Variants in FHIT observed in about 807,000 individuals in gnomAD.
FHIT encodes fragile histidine triad diadenosine triphosphatase.
In FHIT, 19 loss-of-function variants were observed where a neutral mutation model predicts 17.9. The ratio of observed to expected loss-of-function variants is 1.06; its 90% CI spans 0.74 to 1.56. The LOEUF (loss-of-function observed/expected upper bound fraction) is 1.56, where lower values mean the gene tolerates loss of function less well. Ranked by LOEUF, FHIT falls within the 40% of genes most tolerant of loss-of-function variation. The pLI, the probability that FHIT is intolerant of heterozygous loss-of-function variation, is 0.00. For synonymous variants in FHIT, 81 were observed against 69.7 expected (o/e 1.16, Z -0.81); for missense variants, 248 against 189.2 (o/e 1.31, Z -1.82).
At chr3:60,361,553 T>C (rs112518926) in intron 5 of FHIT, among the ~76,000 whole-genome samples, 2,112 of 152,276 alleles carry the variant, frequency 0.014, 54 homozygotes, top group African/African-American at 0.048. Flanking sequence ...GGATTCTTCA[T>C]AGAAGATGCA....
At chr3:59,972,429 C>A (rs991580926) in intron 7 of FHIT, among the ~76,000 whole-genome samples, 10 of 152,066 alleles carry the variant, frequency 6.6e-5, no homozygotes, top group Non-Finnish European at 1.3e-4. Context: ...GGGAAGGTAT[C>A]CTTGGCGCTC....
At chr3:60,919,399 G>GTT (rs5849401) in intron 3 of FHIT, among the ~76,000 whole-genome samples, 1,767 of 144,382 alleles carry the variant, frequency 0.012, 33 homozygotes, top group African/African-American at 0.039. Flanking sequence ...CACAACCACA[G>GTT]TTTTTTTTTT....
At chr3:60,368,505 G>A (rs1340060019) in intron 5 of FHIT, among the ~76,000 whole-genome samples, 1 of 151,668 alleles carries the variant, frequency 6.6e-6, no homozygotes, top group East Asian at 1.9e-4. Flanking sequence ...CCTTAAATTG[G>A]GTTATTATGA....
chr3:61,047,869 T>C (rs574973865), intron 2 of FHIT, among the ~76,000 whole-genome samples: 12 of 135,222 alleles, frequency 8.9e-5, no homozygotes, highest in African/African-American at 2.8e-4. Context: ...AAACAAGCAA[T>C]GGGGAAAGGA....
At chr3:60,020,241 T>C (rs550454634) in intron 5 of FHIT, among the ~76,000 whole-genome samples, 3 of 152,188 alleles carry the variant, frequency 2.0e-5, no homozygotes, top group East Asian at 1.9e-4. Flanking sequence ...AGGATAATAA[T>C]TGATTAAAAA....
At chr3:59,816,335 G>C (rs1415445132) in intron 8 of FHIT, among the ~76,000 whole-genome samples, 2 of 152,156 alleles carry the variant, frequency 1.3e-5, no homozygotes, top group Non-Finnish European at 2.9e-5. Context: ...TTGCCAATTA[G>C]ATGTGGACTT....
chr3:60,235,783 T>C (rs1704751836), intron 5 of FHIT, among the ~76,000 whole-genome samples: 1 of 152,136 alleles, frequency 6.6e-6, no homozygotes, highest in Non-Finnish European at 1.5e-5. Context: ...GTATGTTTCA[T>C]AAACAGGTTA....
chr3:59,954,221 G>GTTTTTTTTTTTTTT (rs5849313), intron 7 of FHIT, among the ~76,000 whole-genome samples: 1 of 120,978 alleles, frequency 8.3e-6, no homozygotes, highest in Admixed American at 8.8e-5. Flanking sequence ...ATTTTGTTCT[G>GTTTTTTTTTTTTTT]TTTTTTTTTC....
intron 5 of FHIT, among the ~76,000 whole-genome samples, chr3:60,105,220 T>C (rs1704357401): frequency 6.6e-6 from 1 of 152,198 alleles, no homozygotes; most frequent in Non-Finnish European, 1.5e-5. Context: ...AGGCACTCAC[T>C]GGTTCTGAGT....
intron 3 of FHIT, among the ~76,000 whole-genome samples, chr3:61,015,564 CTGTT>C (rs999750615): frequency 5.9e-5 from 9 of 152,262 alleles, no homozygotes; most frequent in Admixed American, 2.6e-4. Context: ...CTATGGCTTT[CTGTT>C]TGTTTGTTTT....
Position 60,717,995 on chromosome 3 carries a change from A to C in FHIT, c.-18+103924T>G, listed in dbSNP as rs1207440312. Reference sequence around the variant, plus strand: ...TTGTTTAAAATAGCCAATGTTTTTTAAAATGCAACTTTCCATAGTTTTCTG... The same window carrying C: ...TTGTTTAAAATAGCCAATGTTTTTTCAAATGCAACTTTCCATAGTTTTCTG... On this transcript the variant is annotated intron_variant, in intron 4 of 9. Transcript: ENST00000492590. Among the ~76,000 whole-genome samples the C allele has an allele frequency of 6.6e-5, 10 of 152,186 alleles. No homozygotes were observed. In the East Asian group the frequency reaches 1.9e-3, roughly 29 times the overall value.
At chr3:60,456,968 G>T (rs961862961) in intron 5 of FHIT, among the ~76,000 whole-genome samples, 1 of 152,126 alleles carries the variant, frequency 6.6e-6, no homozygotes, top group Admixed American at 6.5e-5. Flanking sequence ...ATGCTCATGG[G>T]TAGGAAGAAT....
chr3:60,450,190 C>T (rs7627604), intron 5 of FHIT, among the ~76,000 whole-genome samples: 27,074 of 140,746 alleles, frequency 0.19, 2,637 homozygotes, highest in Admixed American at 0.3. Flanking sequence ...AAGCACTGTA[C>T]CCTTAAGGTT....
intron 4 of FHIT, among the ~76,000 whole-genome samples, chr3:60,794,373 A>ATGG (rs1700899290): frequency 1.3e-5 from 2 of 149,618 alleles, no homozygotes; most frequent in African/African-American, 4.9e-5. Flanking sequence ...GGGAAGGAAA[A>ATGG]ATGGATGGAT....
intron 5 of FHIT, among the ~76,000 whole-genome samples, chr3:60,241,501 T>C (rs906669797): frequency 3.3e-5 from 5 of 152,132 alleles, no homozygotes; most frequent in African/African-American, 9.7e-5. Context: ...CAAGAAAATA[T>C]TTCTATGTAA....
chr3:60,994,919 A>AT (rs2030542582), intron 3 of FHIT, among the ~76,000 whole-genome samples: 1 of 152,194 alleles, frequency 6.6e-6, no homozygotes, highest in Admixed American at 6.5e-5. Flanking sequence ...AGGTTTTCCA[A>AT]TTTTCTAAGA....
intron 1 of FHIT, among the ~76,000 whole-genome samples, chr3:61,222,325 T>A (rs1300574825): frequency 6.6e-6 from 1 of 152,206 alleles, no homozygotes; most frequent in Non-Finnish European, 1.5e-5. Context: ...TTAATTAGTC[T>A]TCCTGTGCCT....
chr3:60,540,828 G>A (rs1003285269), intron 4 of FHIT, among the ~76,000 whole-genome samples: 6 of 152,138 alleles, frequency 3.9e-5, no homozygotes, highest in Admixed American at 6.5e-5. Context: ...AGATAGGAAG[G>A]TTTGCCCCAG....
intron 4 of FHIT, among the ~76,000 whole-genome samples, chr3:60,760,929 T>C (rs1344927174): frequency 6.6e-6 from 1 of 152,128 alleles, no homozygotes; most frequent in Non-Finnish European, 1.5e-5. Context: ...CATTCAAATA[T>C]ATGGAAATGA....
Sources: allele counts gnomAD v4.1 joint callset (sites outside exome capture counted in the v4.1 genomes callset), GRCh38; gene constraint gnomAD v4.1.1; transcripts MANE v1.5; gene names NCBI Gene and HGNC (gene_info 2026-07-23, HGNC 2026-07-21).